The following DPEP2 variants were observed in gnomAD, a reference collection of about 807,000 sequenced individuals.
DPEP2 encodes dipeptidase 2.
DPEP2 carries 45 observed loss-of-function variants against 51.8 expected under a neutral mutation model. The ratio of observed to expected loss-of-function variants is 0.87; its 90% CI spans 0.68 to 1.11. DPEP2 has a LOEUF of 1.11. Among genes scored for constraint, DPEP2 ranks in the 50% most tolerant of loss-of-function variants. DPEP2 has a pLI of 0.00. For missense variants in DPEP2, 604 were observed against 631.9 expected, an observed-to-expected ratio of 0.96 and a Z score of 0.47; for synonymous variants, 255 against 262.7, an observed-to-expected ratio of 0.97 and a Z score of 0.28.
chr16:68,000,195 G>A (rs2032943400), upstream of DPEP2, among the ~76,000 whole-genome samples: 1 of 152,172 alleles, frequency 6.6e-6, no homozygotes, highest in South Asian at 2.1e-4. Context: ...GGAAGGAGTA[G>A]GTGGGTGAAC....
In DPEP2 at chr16:67,995,199, C is replaced by CT. The variant is rs921467997; in HGVS notation, c.-45-1943dup. Reference sequence around the variant, plus strand: ...ACTGGAGTGAGCTACCGCACCTGGGCTTTTTTTTTATTTTTTATTTATTTT... The same window carrying CT: ...ACTGGAGTGAGCTACCGCACCTGGGCTTTTTTTTTTATTTTTTATTTATTTT... On this transcript the variant is annotated intron_variant, in intron 1 of 10. Coordinates refer to ENST00000393847, the MANE Select transcript of DPEP2 (RefSeq NM_022355.4). 3.4e-4 allele frequency among the ~76,000 whole-genome samples: 51 copies of CT among 151,502 alleles called. 1 individual carries two copies. In the East Asian group the frequency reaches 6.0e-3, roughly 18 times the overall value.
In DPEP2 at chr16:67,991,460, C is replaced by A. The variant is rs1055360414; in HGVS notation, c.663-276G>T. Among the ~76,000 whole-genome samples, 2 of 151,796 alleles carry A rather than the reference C, an allele frequency of 1.3e-5. No individual in the cohort carries two copies. Among genetic ancestry groups the A allele is most frequent in the African/African-American group, 4.8e-5 (2 of 41,282 alleles). On this transcript the variant is annotated intron_variant, in intron 5 of 10. Coordinates refer to ENST00000393847, the MANE Select transcript of DPEP2 (RefSeq NM_022355.4). This position sits in a 1 kb window ranked among gnomAD's most constrained non-coding sequence, Gnocchi z 5.1. ...TCGTGCCATCTCAGCTCACTGAAAC[C>A]TGCACCTCCTGGGTTCAAGAGATTC...
At position 67,991,271 on chromosome 16, in the gene DPEP2, C is replaced by T. The variant is rs1186385761; in HGVS notation, c.663-87G>A. 1.5e-6 allele frequency: 2 copies of T among 1,375,916 alleles called. No homozygotes were observed. The highest frequency in any genetic ancestry group is 4.9e-5 in the East Asian group (2 of 41,058). 85.2% of individuals were successfully genotyped at this position (1,375,916 alleles called of 1,614,324 possible). ...GCCCTACCCACCCTCCATCCCTGCACCCCCCTGAAACAAAAACAGGGATCC... is the reference window on the plus strand; with the variant it reads ...GCCCTACCCACCCTCCATCCCTGCATCCCCCTGAAACAAAAACAGGGATCC... On this transcript the variant is annotated intron_variant, in intron 5 of 10. Coordinates refer to ENST00000393847, the MANE Select transcript of DPEP2 (RefSeq NM_022355.4). The surrounding 1 kb of genome is among the most constrained non-coding windows in gnomAD (Gnocchi z 5.1).
intron 1 of DPEP2, among the ~76,000 whole-genome samples, chr16:67,998,211 G>A (rs2151391672): frequency 6.6e-6 from 1 of 152,286 alleles, no homozygotes; most frequent in Non-Finnish European, 1.5e-5. Flanking sequence ...AGGGAGGTGT[G>A]GAGGGAGAGG....
rs746747602 is a variant in DPEP2 at position 67,993,095 on chromosome 16, G to A, written c.118C>T (p.Pro40Ser). 4.3e-5 allele frequency: 68 copies of A among 1,569,678 alleles called. No individual in the cohort carries two copies. Among genetic ancestry groups the A allele is most frequent in the Non-Finnish European group, 5.8e-5 (67 of 1,156,728 alleles). ...VTCAYTTPGP[P>S]RALTTLGAPR... is the part of the protein sequence containing the mutation. ...GCGCCCAGCGTGGTGAGGGCTCTGG[G>A]GGGGCCTGGCGTGGTGTAGGCACAG... The change falls in exon 2 of 11, where the codon CCC becomes TCC. Residue 40 changes from proline (P) to serine (S), a missense_variant. Coordinates refer to ENST00000393847, the MANE Select transcript of DPEP2 (RefSeq NM_022355.4).
Position 67,999,434 on chromosome 16 carries a change from C to G in DPEP2, c.-105G>C. ...AGCTTCATTCTAGAACTCAGTGAGA[C>G]CAAGAACCCACCAATTCCGGACACA... On this transcript the variant is annotated 5_prime_UTR_variant, in exon 1 of 11. Coordinates refer to ENST00000393847, the MANE Select transcript of DPEP2 (RefSeq NM_022355.4). 1 of 985,072 alleles carries G rather than the reference C, an allele frequency of 1.0e-6. No individual in the cohort carries two copies. Among genetic ancestry groups the G allele is most frequent in the Non-Finnish European group, 1.2e-6 (1 of 828,796 alleles). 61.0% of individuals were successfully genotyped at this position (985,072 alleles called of 1,614,324 possible). A position where few individuals can be genotyped will look rare whatever the true frequency, so the allele number is the denominator to read the frequency against.
rs529535250 is a variant in DPEP2 at position 67,992,742 on chromosome 16, A to T, written c.264-106T>A. The T allele has an allele frequency of 1.7e-4, 254 of 1,537,932 alleles. 3 individuals are homozygous for T. The South Asian group carries it at 2.9e-3, about 18-fold the overall frequency. Reference sequence around the variant, plus strand: ...GGGGATCCCCATCCCTCATTGTCACATGACTATACTGAGATCCCCTGAGGC... The same window carrying T: ...GGGGATCCCCATCCCTCATTGTCACTTGACTATACTGAGATCCCCTGAGGC... On this transcript the variant is annotated intron_variant, in intron 2 of 10. Coordinates refer to ENST00000393847, the MANE Select transcript of DPEP2 (RefSeq NM_022355.4).
At chr16:67,997,702 A>G (rs1253919151) in intron 1 of DPEP2, among the ~76,000 whole-genome samples, 1 of 152,216 alleles carries the variant, frequency 6.6e-6, no homozygotes. Flanking sequence ...TCTGTAGGGA[A>G]TGGGCTGGAG....
In DPEP2 at chr16:67,993,227, G is replaced by C. The variant is rs751530689; in HGVS notation, c.-15C>G. 1 of 1,421,460 alleles carries C rather than the reference G, an allele frequency of 7.0e-7. No homozygotes were observed. Among genetic ancestry groups the C allele is most frequent in the East Asian group, 2.7e-5 (1 of 37,214 alleles). The allele number at this position is 1,421,460 out of a possible 1,614,324, so 88.1% of individuals were successfully genotyped here. ...GAGGGCTGCATGTTGTGCAGGGCCG[G>C]GCAGGCAGGCAGGGGTGGCAGTCAG... On this transcript the variant is annotated 5_prime_UTR_variant, in exon 2 of 11. Coordinates refer to ENST00000393847, the MANE Select transcript of DPEP2 (RefSeq NM_022355.4).
At chr16:67,997,255 A>G (rs749914401) in intron 1 of DPEP2, among the ~76,000 whole-genome samples, 52 of 151,380 alleles carry the variant, frequency 3.4e-4, no homozygotes, top group Non-Finnish European at 7.2e-4. Context: ...CTGGTCTCGA[A>G]CTCCTGACCT....
At position 67,992,691 on chromosome 16, in the gene DPEP2, C is replaced by T. The variant is rs576655889; in HGVS notation, c.264-55G>A. On this transcript the variant is annotated intron_variant, in intron 2 of 10. Transcript: ENST00000393847. The stretch of plus-strand genomic sequence containing the variant: ...AAGAACAGACAGATGGGCCTCTTAG[C>T]CCTCCAGTTCAGGAAGGACACATCT... The T allele has an allele frequency of 7.3e-5, 115 of 1,585,312 alleles. 1 individual carries two copies. In the South Asian group the frequency reaches 1.2e-3, roughly 16 times the overall value.
intron 1 of DPEP2, chr16:67,993,580 GCTCTCT>G: frequency 2.9e-6 from 3 of 1,022,320 alleles, no homozygotes; most frequent in African/African-American, 1.7e-5. Flanking sequence ...CTGCCCCTAG[GCTCTCT>G]CTCTAAGAGA....
chr16:68,000,419 C>T (rs774594243), upstream of DPEP2: 17 of 985,026 alleles, frequency 1.7e-5, no homozygotes, highest in Non-Finnish European at 1.9e-5. Flanking sequence ...ATGCTCAGAG[C>T]GCAGAGGTGG....
chr16:67,987,693 G>A lies in DPEP2; in HGVS notation c.1274C>T (p.Ser425Phe), dbSNP rs1483970874. ...CAGACGTGAGAGGTCGGAGTGGCAG[G>A]AACTGCTCAGCTGCTCATCCGGGAA... is the stretch of plus-strand genomic sequence containing the variant. The part of the protein sequence containing the change: ...DKFPDEQLSS[S>F]CHSDLSRLRQ... The change falls in exon 11 of 11, where the codon TCC becomes TTC. Residue 425 changes from serine to phenylalanine, a missense_variant. By Grantham distance (155) the Ser-to-Phe change is radical (BLOSUM62 -2). Transcript: ENST00000393847. 2 of 1,614,196 alleles carry A rather than the reference G, an allele frequency of 1.2e-6. No individual in the cohort carries two copies. The highest frequency in any genetic ancestry group is 1.7e-5 in the Admixed American group (1 of 60,020).
chr16:67,993,144 C>G lies in DPEP2; in HGVS notation c.69G>C (p.Leu23=). 6.5e-7 allele frequency: 1 copy of G among 1,532,354 alleles called. No homozygotes were observed. The highest frequency in any genetic ancestry group is 8.8e-7 in the Non-Finnish European group (1 of 1,136,928). The allele number at this position is 1,532,354 out of a possible 1,614,324, so 94.9% of individuals were successfully genotyped here. A position where few individuals can be genotyped will look rare whatever the true frequency, so the allele number is the denominator to read the frequency against. The part of the protein sequence containing the change: ...GRWPLLSLLL[L]LLLLQPVTCA... ...AGGTTACAGGCTGGAGCAGCAGCAG[C>G]AGGAGCAGCAGACTCAGCAGAGGCC... Residue 23 remains leucine (L), a synonymous_variant, in exon 2 of 11, where the codon CTG becomes CTC. Transcript: ENST00000393847.
chr16:67,993,444 A>T, intron 1 of DPEP2, 187 bp from the exon 2 acceptor site: 1 of 1,251,088 alleles, frequency 8.0e-7, no homozygotes, highest in Middle Eastern at 3.1e-4. Context: ...GTCATCCCCA[A>T]GGGCGCTCCC....
Position 67,990,839 on chromosome 16 carries a change from A to G in DPEP2, c.891T>C (p.Asp297=). The G allele has an allele frequency of 6.2e-7, 1 of 1,613,762 alleles. No homozygotes were observed. The change falls in exon 7 of 11, where the codon GAT becomes GAC. Residue 297 remains aspartate, a synonymous_variant. Transcript: ENST00000393847. ...GVCNSARNVP[D]DILQLLKKNG... is the part of the protein sequence containing the mutation. ...TTCTCACCAGAAGCTGCAGGATGTC[A>G]TCAGGAACATTCCGAGCACTGTTGC...
chr16:67,989,208 A>G, intron 9 of DPEP2, 115 bp downstream of exon 9: 3 of 1,139,680 alleles, frequency 2.6e-6, no homozygotes, highest in Non-Finnish European at 3.9e-6. Flanking sequence ...AGGAGAGCCC[A>G]GAGAACTGAT....
At chr16:67,992,380 T>A (rs1210950601) in intron 3 of DPEP2, 130 bp downstream of exon 3, 1 of 1,469,026 alleles carries the variant, frequency 6.8e-7, no homozygotes, top group Non-Finnish European at 9.2e-7. Flanking sequence ...CCAGCATCCA[T>A]ATCATGACAC....
Sources: gnomAD v4.1 joint callset for allele counts (sites outside exome capture counted in the v4.1 genomes callset) on GRCh38, gnomAD v4.1.1 for gene constraint, Gnocchi (gnomAD v3.1) non-coding constraint, MANE v1.5 for transcripts, NCBI Gene and HGNC (gene_info 2026-07-23, HGNC 2026-07-21) for gene names.